The following BRD1 variants were observed in gnomAD, a reference collection of about 807,000 sequenced individuals.
The protein encoded by BRD1 is bromodomain containing 1, also known as bromodomain-containing protein 1.
In BRD1, 24 loss-of-function variants were observed where a neutral mutation model predicts 107.7. That is an observed-to-expected ratio of 0.22 (90% CI 0.16 to 0.31). BRD1 has a LOEUF of 0.31. BRD1 is among the 10% of genes least tolerant of loss of function. The pLI is 1.00. For synonymous variants in BRD1, 744 were observed against 686.1 expected (o/e 1.08, Z -1.32); for missense variants, 1,279 against 1,638.6 (o/e 0.78, Z 3.79).
At chr22:49,813,637 G>T (rs1305283495) in intron 2 of BRD1, among the ~76,000 whole-genome samples, 4 of 151,384 alleles carry the variant, frequency 2.6e-5, no homozygotes, top group Non-Finnish European at 5.9e-5. Flanking sequence ...TTCGAGACCA[G>T]CCTGGCCAAC....
At chr22:49,811,527 T>A (rs1235762661) in intron 2 of BRD1, among the ~76,000 whole-genome samples, 5 of 152,202 alleles carry the variant, frequency 3.3e-5, no homozygotes, top group Admixed American at 2.6e-4. Flanking sequence ...CGGGTTAAGG[T>A]GCAGGCAGCT....
chr22:49,822,710 C>CA (rs776786142), intron 2 of BRD1, among the ~76,000 whole-genome samples: 473 of 142,288 alleles, frequency 3.3e-3, no homozygotes, highest in Non-Finnish European at 4.3e-3. Context: ...ACTCCGTCTC[C>CA]AAAAAAAAAA....
chr22:49,777,638 G>A, intron 9 of BRD1, 40 bp downstream of exon 9: 1 of 1,587,938 alleles, frequency 6.3e-7, no homozygotes, highest in Non-Finnish European at 8.5e-7. Flanking sequence ...GGGCGGTGCT[G>A]GGAGCTGCGT....
intron 8 of BRD1, among the ~76,000 whole-genome samples, chr22:49,780,305 T>A (rs1013695181): frequency 6.6e-6 from 1 of 152,136 alleles, no homozygotes; most frequent in African/African-American, 2.4e-5. Flanking sequence ...AAGAGGAGAA[T>A]GATAAAATGC....
intron 2 of BRD1, among the ~76,000 whole-genome samples, chr22:49,815,014 AC>A (rs1027672329): frequency 4.6e-5 from 7 of 152,278 alleles, no homozygotes; most frequent in African/African-American, 1.2e-4. Context: ...ATGGTTGGGT[AC>A]CCAAGTCGCC....
intron 2 of BRD1, among the ~76,000 whole-genome samples, chr22:49,816,373 G>A (rs74332853): frequency 0.015 from 2,234 of 151,984 alleles, 69 homozygotes; most frequent in African/African-American, 0.051. Context: ...ACCTCTGCAG[G>A]TACCCACTAG....
At chr22:49,810,483 C>T (rs1294853817) in intron 2 of BRD1, among the ~76,000 whole-genome samples, 1 of 152,182 alleles carries the variant, frequency 6.6e-6, no homozygotes, top group African/African-American at 2.4e-5. Flanking sequence ...ATAAACTGGA[C>T]TCCATCCAAC....
Position 49,794,180 on chromosome 22 carries a change from C to T in BRD1, c.2213G>A (p.Ser738Asn). 1.9e-6 allele frequency: 3 copies of T among 1,614,240 alleles called. No individual in the cohort carries two copies. Among genetic ancestry groups the T allele is most frequent in the Non-Finnish European group, 2.5e-6 (3 of 1,180,050 alleles). ...TCAMKSSGSR[S>N]KRAKLLKKEI... ...CTTTTTGAGCAGCTTTGCCCGCTTG[C>T]TCCGGGAGCCGCTGGACTTCATAGC... Residue 738 changes from serine to asparagine, a missense_variant, in exon 7 of 13, where the codon AGC becomes AAC. By Grantham distance (46) the Ser-to-Asn change is conservative (BLOSUM62 1). Around this residue, in one of 7 missense-constraint regions of BRD1, gnomAD observed 406 missense variants for 519.4 expected, o/e 0.78. Coordinates refer to ENST00000404760, the MANE Select transcript of BRD1 (RefSeq NM_001304808.3).
rs1472073059 is a variant in BRD1 at position 49,812,101 on chromosome 22, CTCCT to C, written c.1368-7745_1368-7742del. On this transcript the variant is annotated intron_variant, in intron 2 of 12. Transcript: ENST00000404760. ...ATCCTATGGCAAGGAGCACAGTCTG[CTCCT>C]TTTTTTTTTTTTTTTTTTGAGACAG... is the stretch of plus-strand genomic sequence containing the variant. Among the ~76,000 whole-genome samples the C allele has an allele frequency of 4.7e-3, 628 of 133,086 alleles. 7 individuals are homozygous for C. The highest frequency in any genetic ancestry group is 0.021 in the African/African-American group (582 of 27,336). The allele number at this position is 133,086 out of a possible 152,430, so 87.3% of individuals were successfully genotyped here.
At chr22:49,785,975 T>C (rs1000720508) in intron 8 of BRD1, among the ~76,000 whole-genome samples, 1 of 152,178 alleles carries the variant, frequency 6.6e-6, no homozygotes, top group Non-Finnish European at 1.5e-5. Flanking sequence ...GGGCAGGTCT[T>C]GCCCACCACA....
chr22:49,781,042 G>A (rs1005142392), intron 8 of BRD1, among the ~76,000 whole-genome samples: 1 of 152,224 alleles, frequency 6.6e-6, no homozygotes, highest in Non-Finnish European at 1.5e-5. Flanking sequence ...TGGTGACTGT[G>A]AGAAATACGT....
chr22:49,822,908 A>G, intron 2 of BRD1, 43 bp downstream of exon 2: 4 of 1,598,594 alleles, frequency 2.5e-6, no homozygotes. Context: ...CCAGGGTCCC[A>G]CACTGCAGGC....
intron 8 of BRD1, among the ~76,000 whole-genome samples, chr22:49,778,158 C>G (rs1021822827): frequency 3.9e-5 from 6 of 152,222 alleles, no homozygotes; most frequent in African/African-American, 1.4e-4. Flanking sequence ...GATGTGCAAC[C>G]TGTGAGTGCA....
chr22:49,775,756 A>T lies in BRD1; in HGVS notation c.3232-11T>A, dbSNP rs1334671867. 1 of 1,581,718 alleles carries T rather than the reference A, an allele frequency of 6.3e-7. No individual in the cohort carries two copies. The highest frequency in any genetic ancestry group is 2.3e-5 in the East Asian group (1 of 43,922). On this transcript the variant is annotated splice_polypyrimidine_tract_variant and intron_variant, in intron 11 of 12. Transcript: ENST00000404760. ...CTTGGGGTCGATGATCTGCACGAGA[A>T]GGACCCGCTGAGGTCATTGTGAGGC...
chr22:49,776,212 C>T, intron 10 of BRD1, 53 bp from the exon 11 acceptor site: 1 of 1,493,952 alleles, frequency 6.7e-7, no homozygotes, highest in South Asian at 1.2e-5. Flanking sequence ...ACGGGGCACG[C>T]CCCGCCCCCC....
At position 49,787,586 on chromosome 22, in the gene BRD1, T is replaced by C. The variant is rs886251621; in HGVS notation, c.2661A>G (p.Lys887=). 1 of 1,563,504 alleles carries C rather than the reference T, an allele frequency of 6.4e-7. No homozygotes were observed. The highest frequency in any genetic ancestry group is 8.7e-7 in the Non-Finnish European group (1 of 1,153,422). The part of the protein sequence containing the change: ...VNRRTSVLFC[K]SKSVSPPKSA... Reference sequence around the variant, plus strand: ...ACTTTGGGGGGCTTACACTTTTCGATTTGCAGAAGAGAACAGAAGTGCGTC... The same window carrying C: ...ACTTTGGGGGGCTTACACTTTTCGACTTGCAGAAGAGAACAGAAGTGCGTC... Residue 887 remains lysine, a synonymous_variant, in exon 8 of 13, where the codon AAA becomes AAG. Coordinates refer to ENST00000404760, the MANE Select transcript of BRD1 (RefSeq NM_001304808.3).
rs2059489581 is a variant in BRD1 at position 49,794,245 on chromosome 22, C to T, written c.2148G>A (p.Glu716=). The change falls in exon 7 of 13, where the codon GAG becomes GAA. Residue 716 remains glutamate (E), a synonymous_variant. Coordinates refer to ENST00000404760, the MANE Select transcript of BRD1 (RefSeq NM_001304808.3). The stretch of plus-strand genomic sequence containing the variant: ...GCATGTCCAGCAGCTCTCTCAGCTG[C>T]TCCTCCAGGCCCAGGTGGGCTCTGT... ...PANRAHLGLE[E]QLRELLDMLD... The T allele has an allele frequency of 6.2e-7, 1 of 1,613,906 alleles. No individual in the cohort carries two copies. Among genetic ancestry groups the T allele is most frequent in the Non-Finnish European group, 8.5e-7 (1 of 1,179,868 alleles).
At chr22:49,775,364 T>C in intron 12 of BRD1, 1 of 364,346 alleles carries the variant, frequency 2.7e-6, no homozygotes, top group Non-Finnish European at 4.9e-6. Flanking sequence ...GAGGAAGCCA[T>C]CGGGCAGAGA....
intron 3 of BRD1, among the ~76,000 whole-genome samples, chr22:49,802,155 T>C (rs1390638936): frequency 1.3e-5 from 2 of 150,994 alleles, no homozygotes; most frequent in East Asian, 2.0e-4. Context: ...ATGCCTCCAC[T>C]CTCTTCCTTT....
Sources: allele counts gnomAD v4.1 joint callset (sites outside exome capture counted in the v4.1 genomes callset), GRCh38; gene constraint gnomAD v4.1.1; regional missense constraint gnomAD v4.1.1; transcripts MANE v1.5; gene names NCBI Gene and HGNC (gene_info 2026-07-23, HGNC 2026-07-21).